ARSB: variants seen among roughly 807,000 people sequenced by gnomAD.
The protein encoded by ARSB is N-acetylgalactosamine-4-sulfatase.
In ARSB, 41 loss-of-function variants were observed where a neutral mutation model predicts 50.9. That is an observed-to-expected ratio of 0.81 (90% confidence interval 0.63 to 1.04). The LOEUF (loss-of-function observed/expected upper bound fraction) is 1.04, where lower values mean the gene tolerates loss of function less well. ARSB is among the 50% of genes least tolerant of loss of function. The pLI, the probability that ARSB is intolerant of heterozygous loss-of-function variation, is 0.00. For synonymous variants in ARSB, 269 were observed against 284.8 expected (o/e 0.94, Z 0.56); for missense variants, 672 against 693.3 (o/e 0.97, Z 0.35).
At chr5:78,842,509 C>T (rs1378074233) in intron 5 of ARSB, among the ~76,000 whole-genome samples, 1 of 152,132 alleles carries the variant, frequency 6.6e-6, no homozygotes, top group Non-Finnish European at 1.5e-5. Flanking sequence ...TAAAATTTCC[C>T]CAGACCGAAG....
rs368483884 is a variant in ARSB at position 78,926,062 on chromosome 5, T to G, written c.898+29233A>C. 1.1e-4 allele frequency among the ~76,000 whole-genome samples: 16 copies of G among 152,278 alleles called. No individual in the cohort carries two copies. The East Asian group carries it at 1.5e-3, about 15-fold the overall frequency. The stretch of plus-strand genomic sequence containing the variant: ...GCCTTGAGAATATATTTGAACTATA[T>G]AGTTTCTAATGATTAAAATTTCAAA... On this transcript the variant is annotated intron_variant, in intron 4 of 7. Coordinates refer to ENST00000264914, the MANE Select transcript of ARSB (RefSeq NM_000046.5).
At chr5:78,984,854 C>A in intron 1 of ARSB, 83 bp downstream of exon 1, 1 of 1,130,088 alleles carries the variant, frequency 8.8e-7, no homozygotes, top group Non-Finnish European at 1.1e-6. Context: ...CCAGCGCCCG[C>A]GGCCTCAAGG....
intron 4 of ARSB, among the ~76,000 whole-genome samples, chr5:78,907,116 A>G (rs1749100712): frequency 6.6e-6 from 1 of 152,200 alleles, no homozygotes. Flanking sequence ...AAAGGAAACA[A>G]GGTAAAAACT....
At chr5:78,781,400 C>T (rs1219046307) in intron 7 of ARSB, among the ~76,000 whole-genome samples, 1 of 148,068 alleles carries the variant, frequency 6.8e-6, no homozygotes, top group Non-Finnish European at 1.5e-5. Context: ...ATTCAGCAGC[C>T]CCAGAGATAT....
chr5:78,920,946 A>G (rs979407489), intron 4 of ARSB, among the ~76,000 whole-genome samples: 4 of 152,098 alleles, frequency 2.6e-5, no homozygotes, highest in African/African-American at 9.7e-5. Context: ...AGGGATTTAC[A>G]AACTCCTGGA....
In ARSB at chr5:78,907,149, G is replaced by A. The variant is rs542915682; in HGVS notation, c.899-21322C>T. ...ACTGGGGAATTAGAGGTGACACGGA[G>A]GCCGTTCAAGCCCCCAGCTAGACCT... On this transcript the variant is annotated intron_variant, in intron 4 of 7. Transcript: ENST00000264914. Among the ~76,000 whole-genome samples the A allele has an allele frequency of 6.6e-5, 10 of 152,316 alleles. No homozygotes were observed. In the East Asian group the frequency reaches 1.7e-3, roughly 26 times the overall value.
chr5:78,866,549 G>A (rs924476658), intron 5 of ARSB, among the ~76,000 whole-genome samples: 1 of 152,226 alleles, frequency 6.6e-6, no homozygotes, highest in Admixed American at 6.5e-5. Context: ...AATGTTGATA[G>A]AGGTCTCATA....
intron 4 of ARSB, among the ~76,000 whole-genome samples, chr5:78,888,058 G>A (rs953631457): frequency 2.6e-5 from 4 of 152,202 alleles, no homozygotes; most frequent in Non-Finnish European, 5.9e-5. Flanking sequence ...TCGAAAGGGA[G>A]TAGAGAAGAG....
intron 6 of ARSB, among the ~76,000 whole-genome samples, chr5:78,831,339 C>T (rs1442441160): frequency 6.6e-6 from 1 of 151,914 alleles, no homozygotes; most frequent in Non-Finnish European, 1.5e-5. Flanking sequence ...CTCCCTCATC[C>T]CCCCAGCACC....
intron 5 of ARSB, 66 bp downstream of exon 5, chr5:78,885,518 G>T: frequency 6.3e-7 from 1 of 1,591,570 alleles, no homozygotes; most frequent in Non-Finnish European, 8.5e-7. Flanking sequence ...TATCATTCTT[G>T]CTCAATGGAG....
At chr5:78,872,277 A>AACTAG (rs1311223396) in intron 5 of ARSB, among the ~76,000 whole-genome samples, 2 of 151,602 alleles carry the variant, frequency 1.3e-5, no homozygotes, top group African/African-American at 2.4e-5. Context: ...AGGGATCCAG[A>AACTAG]ACTAGAAATA....
chr5:78,946,859 C>T lies in ARSB; in HGVS notation c.898+8436G>A, dbSNP rs184132994. Among the ~76,000 whole-genome samples the T allele has an allele frequency of 3.5e-3, 537 of 152,224 alleles. 2 individuals are homozygous for T. The highest frequency in any genetic ancestry group is 0.012 in the African/African-American group (493 of 41,542). ...AAAAAGAACAAAACTGTAGGAATCACATTACCTGATTTCAAATTATACTAT... is the reference window on the plus strand; with the variant it reads ...AAAAAGAACAAAACTGTAGGAATCATATTACCTGATTTCAAATTATACTAT... On this transcript the variant is annotated intron_variant, in intron 4 of 7. Coordinates refer to ENST00000264914, the MANE Select transcript of ARSB (RefSeq NM_000046.5).
chr5:78,814,661 T>A (rs908033502), intron 6 of ARSB, among the ~76,000 whole-genome samples: 2 of 150,792 alleles, frequency 1.3e-5, no homozygotes, highest in African/African-American at 4.9e-5. Flanking sequence ...TTGGGTGTTG[T>A]TCGTTATCTT....
chr5:78,783,921 T>C (rs1749001101), intron 6 of ARSB, among the ~76,000 whole-genome samples: 1 of 152,034 alleles, frequency 6.6e-6, no homozygotes, highest in African/African-American at 2.4e-5. Flanking sequence ...AAAGGGAAAA[T>C]TACAAAGAAT....
At chr5:78,945,090 C>A (rs932080382) in intron 4 of ARSB, among the ~76,000 whole-genome samples, 1 of 152,196 alleles carries the variant, frequency 6.6e-6, no homozygotes, top group Non-Finnish European at 1.5e-5. Context: ...GCGCGGGATA[C>A]AATCTCCTGG....
At position 78,780,506 on chromosome 5, in the gene ARSB, A is replaced by G. The variant is rs774358117; in HGVS notation, c.1493T>C (p.Leu498Pro). 5 of 1,614,050 alleles carry G rather than the reference A, an allele frequency of 3.1e-6. No homozygotes were observed. The highest frequency in any genetic ancestry group is 4.2e-6 in the Non-Finnish European group (5 of 1,180,016). Reference sequence around the variant, plus strand: ...ATGGTAGAACTGTAGGCGGGACAGGAGCTTTGTGACGATGTGAGGATATTC... The same window carrying G: ...ATGGTAGAACTGTAGGCGGGACAGGGGCTTTGTGACGATGTGAGGATATTC... The part of the protein sequence containing the change: ...SREYPHIVTK[L>P]LSRLQFYHKH... Residue 498 changes from leucine (L) to proline (P), a missense_variant, in exon 8 of 8, where the codon CTC (leucine) becomes CCC (proline). By Grantham distance (98) the Leu-to-Pro change is moderately conservative. Transcript: ENST00000264914.
chr5:78,925,822 G>C (rs1030763340), intron 4 of ARSB, among the ~76,000 whole-genome samples: 1 of 152,020 alleles, frequency 6.6e-6, no homozygotes, highest in African/African-American at 2.4e-5. Context: ...TTTACAAAAC[G>C]GTGATAATTA....
intron 1 of ARSB, 94 bp downstream of exon 1, chr5:78,984,843 G>T: frequency 9.4e-7 from 1 of 1,063,816 alleles, no homozygotes; most frequent in Non-Finnish European, 1.2e-6. Flanking sequence ...AGCCCCGCCT[G>T]CCAGCGCCCG....
At chr5:78,826,134 C>T (rs555915771) in intron 6 of ARSB, among the ~76,000 whole-genome samples, 44 of 151,980 alleles carry the variant, frequency 2.9e-4, no homozygotes, top group African/African-American at 1.0e-3. Context: ...GCAACCTCTG[C>T]CTCCTGAGTT....
Sources: gnomAD v4.1 joint callset for allele counts (sites outside exome capture counted in the v4.1 genomes callset) on GRCh38, gnomAD v4.1.1 for gene constraint, MANE v1.5 for transcripts, NCBI Gene and HGNC (gene_info 2026-07-23, HGNC 2026-07-21) for gene names.